Variants in PBX4 observed in about 807,000 individuals in gnomAD.
The protein encoded by PBX4 is pre-B-cell leukemia transcription factor 4.
In PBX4, 26 loss-of-function variants were observed where a neutral mutation model predicts 35.1. The ratio of observed to expected loss-of-function variants is 0.74; its 90% CI spans 0.54 to 1.03. PBX4 has a LOEUF of 1.03. PBX4 is among the 50% of genes least tolerant of loss of function. The probability of loss-of-function intolerance (pLI) is 0.00; values close to 1 mark genes in which losing one functional copy is unlikely to be tolerated. For missense variants in PBX4, 448 were observed against 504.3 expected (o/e 0.89, Z 1.07); for synonymous variants, 199 against 204.2 (o/e 0.97, Z 0.22).
Position 19,573,291 on chromosome 19 carries a change from G to A in PBX4, c.194-2458C>T, listed in dbSNP as rs547996588. 1.8e-4 allele frequency among the ~76,000 whole-genome samples: 26 copies of A among 148,350 alleles called. No individual in the cohort carries two copies. In the South Asian group the frequency reaches 5.1e-3, roughly 29 times the overall value. ...CTGTACTCCAGCCTGGGCAACAAGAGCGAAACTCCATCTCCAAAAAAAAGA... is the reference window on the plus strand; with the variant it reads ...CTGTACTCCAGCCTGGGCAACAAGAACGAAACTCCATCTCCAAAAAAAAGA... On this transcript the variant is annotated intron_variant, in intron 2 of 7. Coordinates refer to ENST00000251203, the MANE Select transcript of PBX4 (RefSeq NM_025245.3).
chr19:19,583,730 C>T (rs2061470937), intron 2 of PBX4, among the ~76,000 whole-genome samples: 1 of 152,146 alleles, frequency 6.6e-6, no homozygotes, highest in South Asian at 2.1e-4. Context: ...TGGGGGGAAT[C>T]ACCTGAGGTC....
intron 1 of PBX4, among the ~76,000 whole-genome samples, chr19:19,613,445 C>CAAAAAA (rs57256131): frequency 8.8e-6 from 1 of 113,624 alleles, no homozygotes. Context: ...GACTCTGTCT[C>CAAAAAA]AAAAAAAAAA....
intron 2 of PBX4, among the ~76,000 whole-genome samples, chr19:19,593,861 G>A (rs1020008630): frequency 2.6e-5 from 4 of 152,114 alleles, no homozygotes; most frequent in African/African-American, 7.2e-5. Flanking sequence ...GCACAGTGGC[G>A]CCTGCCTGTA....
chr19:19,606,908 T>A (rs1013665132), intron 1 of PBX4: 5 of 152,056 alleles, frequency 3.3e-5, no homozygotes, highest in African/African-American at 1.2e-4. Context: ...TGACAATCAC[T>A]TGAAACCAGG....
chr19:19,572,148 C>T (rs930489125), intron 2 of PBX4, among the ~76,000 whole-genome samples: 8 of 129,642 alleles, frequency 6.2e-5, no homozygotes, highest in Admixed American at 2.6e-4. Flanking sequence ...GGTCTCCACT[C>T]ACTGCAACCT....
At chr19:19,574,657 C>T (rs2061407862) in intron 2 of PBX4, among the ~76,000 whole-genome samples, 3 of 147,592 alleles carry the variant, frequency 2.0e-5, no homozygotes, top group African/African-American at 7.4e-5. Context: ...TTTTTAAAGA[C>T]AGAGTCTCTC....
intron 5 of PBX4, 78 bp downstream of exon 5, chr19:19,569,371 A>G: frequency 6.6e-7 from 1 of 1,517,340 alleles, no homozygotes; most frequent in East Asian, 2.3e-5. Flanking sequence ...CATTTAACAA[A>G]CTTCCCTGGG....
intron 1 of PBX4, among the ~76,000 whole-genome samples, chr19:19,618,010 T>C (rs1003110312): frequency 2.0e-5 from 3 of 151,856 alleles, no homozygotes; most frequent in African/African-American, 7.3e-5. Context: ...TACAAAAAAA[T>C]CAGCCGGGCG....
chr19:19,605,840 A>AT (rs71338333), intron 1 of PBX4, among the ~76,000 whole-genome samples: 5,856 of 122,994 alleles, frequency 0.048, 173 homozygotes, highest in East Asian at 0.14. Context: ...AGGCTCTAGG[A>AT]TTTTTTTTTT....
chr19:19,587,676 A>T (rs1028838215), intron 2 of PBX4, among the ~76,000 whole-genome samples: 2 of 149,918 alleles, frequency 1.3e-5, no homozygotes, highest in African/African-American at 4.9e-5. Context: ...TTCCTCAAGG[A>T]CAGCTGCCAC....
Position 19,563,549 on chromosome 19 carries a change from G to A in PBX4, c.992C>T (p.Ser331Phe). ...DAFLTLRTLA[S>F]LQPPPGGGCL... is the part of the protein sequence containing the mutation. ...GCCTCCCCCAGGAGGAGGCTGGAGAGAGGCCAGAGTCCGCAGGGTGAGGAA... is the reference window on the plus strand; with the variant it reads ...GCCTCCCCCAGGAGGAGGCTGGAGAAAGGCCAGAGTCCGCAGGGTGAGGAA... The change falls in exon 7 of 8, where the codon TCT becomes TTT. Residue 331 changes from serine to phenylalanine, a missense_variant. Transcript: ENST00000251203. The surrounding 1 kb of genome is among the most constrained non-coding windows in gnomAD (Gnocchi z 5.1). The A allele has an allele frequency of 6.4e-7, 1 of 1,550,792 alleles. No individual in the cohort carries two copies. Among genetic ancestry groups the A allele is most frequent in the Non-Finnish European group, 8.7e-7 (1 of 1,147,080 alleles).
chr19:19,615,140 G>C (rs1197607217), intron 1 of PBX4, among the ~76,000 whole-genome samples: 1 of 129,308 alleles, frequency 7.7e-6, no homozygotes, highest in African/African-American at 3.0e-5. Context: ...ACTCCAGTCT[G>C]GGTGACAGAG....
At chr19:19,583,002 G>A (rs1007471813) in intron 2 of PBX4, among the ~76,000 whole-genome samples, 3 of 152,248 alleles carry the variant, frequency 2.0e-5, no homozygotes, top group Non-Finnish European at 2.9e-5. Flanking sequence ...TCAGGCCTGC[G>A]TCATGAACTC....
At chr19:19,600,595 G>A (rs2061591352) in intron 1 of PBX4, among the ~76,000 whole-genome samples, 1 of 151,846 alleles carries the variant, frequency 6.6e-6, no homozygotes, top group Admixed American at 6.6e-5. Context: ...GAGGCGGATG[G>A]ATCGCCTGAG....
chr19:19,576,183 A>C (rs2061418280), intron 2 of PBX4, among the ~76,000 whole-genome samples: 1 of 152,070 alleles, frequency 6.6e-6, no homozygotes, highest in Non-Finnish European at 1.5e-5. Flanking sequence ...TGACCTCTGG[A>C]GTTCAAGACC....
At chr19:19,605,437 T>TAATAATAATAAC (rs1299209924) in intron 1 of PBX4, among the ~76,000 whole-genome samples, 9 of 140,674 alleles carry the variant, frequency 6.4e-5, no homozygotes, top group East Asian at 2.1e-4. Flanking sequence ...ATAATAATAA[T>TAATAATAATAAC]AATAATAATA....
At chr19:19,607,481 C>T (rs1237237759) in intron 1 of PBX4, among the ~76,000 whole-genome samples, 1 of 152,104 alleles carries the variant, frequency 6.6e-6, no homozygotes, top group Non-Finnish European at 1.5e-5. Context: ...AAGCCCAAAA[C>T]CAAAATTCTG....
chr19:19,588,309 A>G (rs113276622), intron 2 of PBX4: 17,749 of 1,105,788 alleles, frequency 0.016, 633 homozygotes, highest in Admixed American at 0.081. Flanking sequence ...AGGGACGCAC[A>G]TAGGAGTCAC....
At position 19,561,975 on chromosome 19, in the gene PBX4, G is replaced by A; in HGVS notation, c.*50C>T. 6.7e-7 allele frequency: 1 copy of A among 1,498,538 alleles called. No individual in the cohort carries two copies. The allele number at this position is 1,498,538 out of a possible 1,614,324, so 92.8% of individuals were successfully genotyped here. A position where few individuals can be genotyped will look rare whatever the true frequency, so the allele number is the denominator to read the frequency against. On this transcript the variant is annotated 3_prime_UTR_variant, in exon 8 of 8. Coordinates refer to ENST00000251203, the MANE Select transcript of PBX4 (RefSeq NM_025245.3). Reference sequence around the variant, plus strand: ...CACGTTCAGTAACAAAGCAACGGCTGGCGATACATGGCAGCTCACGCAGCG... The same window carrying A: ...CACGTTCAGTAACAAAGCAACGGCTAGCGATACATGGCAGCTCACGCAGCG...
Sources: allele counts gnomAD v4.1 joint callset (sites outside exome capture counted in the v4.1 genomes callset), GRCh38; gene constraint gnomAD v4.1.1; non-coding constraint Gnocchi (gnomAD v3.1); transcripts MANE v1.5; gene names NCBI Gene and HGNC (gene_info 2026-07-23, HGNC 2026-07-21).